MRC2: variants seen among roughly 807,000 people sequenced by gnomAD.
MRC2 encodes mannose receptor C-type 2.
A neutral mutation model predicts 206.2 loss-of-function variants in MRC2; 84 were observed. That is an observed-to-expected ratio of 0.41 (90% CI 0.34 to 0.49). The LOEUF is 0.49. MRC2 is among the 20% of genes least tolerant of loss of function. MRC2 has a pLI of 0.31. For missense variants in MRC2, 1,676 were observed against 2,001.5 expected, an observed-to-expected ratio of 0.84 and a Z score of 3.10; for synonymous variants, 798 against 800.0, an observed-to-expected ratio of 1.00 and a Z score of 0.04.
chr17:62,656,378 G>C (rs1433049300), intron 1 of MRC2, among the ~76,000 whole-genome samples: 1 of 152,116 alleles, frequency 6.6e-6, no homozygotes, highest in Non-Finnish European at 1.5e-5. Context: ...TTTTTGTAGA[G>C]ACGGGATCTC....
chr17:62,666,910 C>T lies in MRC2; in HGVS notation c.973+40C>T. Reference sequence around the variant, plus strand: ...TGGGGGCGCAGGGCAGCATAGGGGCCCCGCGGGCTCTTGGCCTCCCATGGA... The same window carrying T: ...TGGGGGCGCAGGGCAGCATAGGGGCTCCGCGGGCTCTTGGCCTCCCATGGA... On this transcript the variant is annotated intron_variant, in intron 5 of 29. Coordinates refer to ENST00000303375, the MANE Select transcript of MRC2 (RefSeq NM_006039.5). This position sits in a 1 kb window ranked among gnomAD's most constrained non-coding sequence, Gnocchi z 5.0. 2 of 1,538,032 alleles carry T rather than the reference C, an allele frequency of 1.3e-6. No homozygotes were observed. Among genetic ancestry groups the T allele is most frequent in the Middle Eastern group, 1.8e-4 (1 of 5,422 alleles).
rs375577915 is a variant in MRC2, at chr17:62,681,143, C to T, written c.2702+14C>T. ...TGGGCGCTTCAGGTAGGAACCCAGG[C>T]AGGCAGCAGATGTGGAAGGGGGCTG... is the stretch of plus-strand genomic sequence containing the variant. On this transcript the variant is annotated intron_variant, in intron 18 of 29. Coordinates refer to ENST00000303375, the MANE Select transcript of MRC2 (RefSeq NM_006039.5). 6.8e-5 allele frequency: 109 copies of T among 1,612,528 alleles called. No homozygotes were observed. Among genetic ancestry groups the T allele is most frequent in the Non-Finnish European group, 9.0e-5 (106 of 1,179,578 alleles).
chr17:62,628,026 A>AGCGTGTGT (rs2084183479), intron 1 of MRC2, 106 bp downstream of exon 1: 2 of 724,754 alleles, frequency 2.8e-6, no homozygotes, highest in Non-Finnish European at 4.1e-6. Flanking sequence ...TTTCTCCAGA[A>AGCGTGTGT]GCGTGTGTGC....
intron 1 of MRC2, among the ~76,000 whole-genome samples, chr17:62,650,508 G>C (rs1445522705): frequency 6.6e-6 from 1 of 152,148 alleles, no homozygotes; most frequent in Non-Finnish European, 1.5e-5. Flanking sequence ...TCTAAAATTC[G>C]GAGGCTAGCT....
At chr17:62,661,091 G>C (rs2088673761) in intron 1 of MRC2, among the ~76,000 whole-genome samples, 1 of 152,142 alleles carries the variant, frequency 6.6e-6, no homozygotes, top group Non-Finnish European at 1.5e-5. Flanking sequence ...ATAATGCATA[G>C]GCCCAGAGAT....
chr17:62,641,537 C>A (rs974976946), intron 1 of MRC2, among the ~76,000 whole-genome samples: 1 of 152,134 alleles, frequency 6.6e-6, no homozygotes, highest in Non-Finnish European at 1.5e-5. Flanking sequence ...AATTTAACCT[C>A]ATTCCTGAAG....
At position 62,632,601 on chromosome 17, in the gene MRC2, G is replaced by A. The variant is rs184865890; in HGVS notation, c.118+4681G>A. 1.1e-3 allele frequency among the ~76,000 whole-genome samples: 169 copies of A among 152,174 alleles called. 1 individual carries two copies. The highest frequency in any genetic ancestry group is 2.1e-4 in the Non-Finnish European group (14 of 68,028). On this transcript the variant is annotated intron_variant, in intron 1 of 29. Transcript: ENST00000303375. ...CTGCCCACGCACGATCACTTTGCCT[G>A]GTGTGCCTCCCCTCCCCTCTTCTTT...
At chr17:62,642,122 C>T (rs1032348121) in intron 1 of MRC2, among the ~76,000 whole-genome samples, 4 of 152,128 alleles carry the variant, frequency 2.6e-5, no homozygotes, top group African/African-American at 7.2e-5. Flanking sequence ...CAATAATGTC[C>T]TTTATAGCTG....
rs2089057432 is a variant in MRC2, at chr17:62,688,314, C to T, written c.2972C>T (p.Pro991Leu). 6.2e-7 allele frequency: 1 copy of T among 1,614,128 alleles called. No individual in the cohort carries two copies. Among genetic ancestry groups the T allele is most frequent in the African/African-American group, 1.3e-5 (1 of 75,048 alleles). ...TGTTTTCAGGTCCAGGGCCAGGAACCCCAGAGCCGGGTGAAGTGGTCAGAG... is the reference window on the plus strand; with the variant it reads ...TGTTTTCAGGTCCAGGGCCAGGAACTCCAGAGCCGGGTGAAGTGGTCAGAG... ...NKCFQVQGQE[P>L]QSRVKWSEAQ... The change falls in exon 21 of 30, where the codon CCC becomes CTC. Residue 991 changes from proline (P) to leucine (L), a missense_variant. By Grantham distance (98) the Pro-to-Leu change is moderately conservative. Transcript: ENST00000303375.
chr17:62,633,284 T>C (rs2088268053), intron 1 of MRC2, among the ~76,000 whole-genome samples: 1 of 151,774 alleles, frequency 6.6e-6, no homozygotes, highest in Non-Finnish European at 1.5e-5. Context: ...GGGTGGATCA[T>C]GAAGTCAGGA....
chr17:62,673,211 C>G (rs2088848770), intron 8 of MRC2, among the ~76,000 whole-genome samples: 1 of 152,132 alleles, frequency 6.6e-6, no homozygotes, highest in Non-Finnish European at 1.5e-5. Context: ...GATACACAAA[C>G]ACGCCTGCCC....
Position 62,675,825 on chromosome 17 carries a change from G to A in MRC2, c.1605G>A (p.Leu535=), listed in dbSNP as rs763795992. 5 of 1,614,170 alleles carry A rather than the reference G, an allele frequency of 3.1e-6. No homozygotes were observed. The highest frequency in any genetic ancestry group is 3.3e-5 in the Admixed American group (2 of 60,024). ...WTWHSPSCYW[L]GEDQVTYSEA... ...GGCACAGCCCATCCTGCTACTGGCT[G>A]GGAGAAGACCAAGTGACCTACAGTG... The change falls in exon 10 of 30, where the codon CTG becomes CTA. Residue 535 remains leucine (L), a synonymous_variant. Coordinates refer to ENST00000303375, the MANE Select transcript of MRC2 (RefSeq NM_006039.5). This position sits in a 1 kb window ranked among gnomAD's most constrained non-coding sequence, Gnocchi z 4.1.
Position 62,667,001 on chromosome 17 carries a change from C to T in MRC2, c.973+131C>T, listed in dbSNP as rs921323112. ...AGGGGAAGCACCGACCTCCACCCCC[C>T]TCCCCAGACTGCGCCCCCCTAGCCC... On this transcript the variant is annotated intron_variant, in intron 5 of 29. Transcript: ENST00000303375. The surrounding 1 kb of genome is among the most constrained non-coding windows in gnomAD (Gnocchi z 4.1). 1 of 732,018 alleles carries T rather than the reference C, an allele frequency of 1.4e-6. No individual in the cohort carries two copies. The highest frequency in any genetic ancestry group is 2.7e-5 in the East Asian group (1 of 36,968). 45.3% of individuals were successfully genotyped at this position (732,018 alleles called of 1,614,324 possible). A position where few individuals can be genotyped will look rare whatever the true frequency, so the allele number is the denominator to read the frequency against.
chr17:62,689,962 G>A lies in MRC2; in HGVS notation c.3642G>A (p.Pro1214=), dbSNP rs762940004. The A allele has an allele frequency of 9.9e-6, 16 of 1,612,134 alleles. No homozygotes were observed. The highest frequency in any genetic ancestry group is 1.7e-5 in the Admixed American group (1 of 59,920). ...LNYVGWQDGE[P]QQPGGCTYVD... ...ACGTGGGCTGGCAGGACGGGGAGCCGCAGCAGCCGGGGGGCTGTACCTACG... is the reference window on the plus strand; with the variant it reads ...ACGTGGGCTGGCAGGACGGGGAGCCACAGCAGCCGGGGGGCTGTACCTACG... The change falls in exon 25 of 30, where the codon CCG becomes CCA. Residue 1214 remains proline, a synonymous_variant. Transcript: ENST00000303375.
intron 20 of MRC2, among the ~76,000 whole-genome samples, chr17:62,688,083 G>A (rs1402418749): frequency 6.6e-6 from 1 of 152,172 alleles, no homozygotes; most frequent in Non-Finnish European, 1.5e-5. Context: ...CCTGGAGTGT[G>A]GGCAGGTGTG....
chr17:62,671,686 C>A lies in MRC2; in HGVS notation c.1155C>A (p.Ser385Arg). The A allele has an allele frequency of 6.2e-7, 1 of 1,605,554 alleles. No homozygotes were observed. Among genetic ancestry groups the A allele is most frequent in the Non-Finnish European group, 8.5e-7 (1 of 1,175,566 alleles). Residue 385 changes from serine to arginine, a missense_variant, in exon 7 of 30, where the codon AGC (serine) becomes AGA (arginine). Coordinates refer to ENST00000303375, the MANE Select transcript of MRC2 (RefSeq NM_006039.5). The surrounding 1 kb of genome is among the most constrained non-coding windows in gnomAD (Gnocchi z 4.5). Reference sequence around the variant, plus strand: ...ATGTGAAGGTGGAGTGCGAGCCGAGCTGGCAGCCCTTCCAGGGCCACTGCT... The same window carrying A: ...ATGTGAAGGTGGAGTGCGAGCCGAGATGGCAGCCCTTCCAGGGCCACTGCT... ...WANVKVECEP[S>R]WQPFQGHCYR...
In MRC2 at chr17:62,691,131, G is replaced by A. The variant is rs970911005; in HGVS notation, c.4192+3G>A. On this transcript the variant is annotated splice_donor_region_variant and intron_variant, in intron 28 of 29. Transcript: ENST00000303375. ...TGTCGTCTGCAAGCTTCCTCGTGGT[G>A]AGCGCCGGGCAGGCCCACGCTCAGC... The A allele has an allele frequency of 6.9e-6, 11 of 1,599,966 alleles. No homozygotes were observed. Among genetic ancestry groups the A allele is most frequent in the Admixed American group, 3.5e-5 (2 of 57,632 alleles).
rs937137422 is a variant in MRC2, at chr17:62,652,687, A to C, written c.119-11861A>C. 1.3e-5 allele frequency among the ~76,000 whole-genome samples: 2 copies of C among 150,282 alleles called. No homozygotes were observed. The highest frequency in any genetic ancestry group is 3.0e-5 in the Non-Finnish European group (2 of 67,734). ...GAGGCGGCGGAGCGGGAAGTGCCAC[A>C]GATTGAGGGGCGCACGGCGGTGGAG... On this transcript the variant is annotated intron_variant, in intron 1 of 29. Transcript: ENST00000303375. The surrounding 1 kb of genome is among the most constrained non-coding windows in gnomAD (Gnocchi z 4.6).
Position 62,636,895 on chromosome 17 carries a change from C to T in MRC2, c.118+8975C>T, listed in dbSNP as rs1243413532. Reference sequence around the variant, plus strand: ...GTGCTGGGATTACAGGCACAAACCACTGCACCTGGACCAATGGACACTTTT... The same window carrying T: ...GTGCTGGGATTACAGGCACAAACCATTGCACCTGGACCAATGGACACTTTT... On this transcript the variant is annotated intron_variant, in intron 1 of 29. Transcript: ENST00000303375. 2.0e-5 allele frequency among the ~76,000 whole-genome samples: 3 copies of T among 152,054 alleles called. No homozygotes were observed. In the East Asian group the frequency reaches 5.8e-4, roughly 30 times the overall value.
Sources: allele counts gnomAD v4.1 joint callset (sites outside exome capture counted in the v4.1 genomes callset), GRCh38; gene constraint gnomAD v4.1.1; non-coding constraint Gnocchi (gnomAD v3.1); transcripts MANE v1.5; gene names NCBI Gene and HGNC (gene_info 2026-07-23, HGNC 2026-07-21).